MGAT4C: variants seen among roughly 807,000 people sequenced by gnomAD.
The protein encoded by MGAT4C is MGAT4 family member C.
Under a neutral mutation model 40.1 loss-of-function variants are expected in MGAT4C, and 19 were observed. The observed-to-expected ratio is 0.47, with a 90% CI of 0.33 to 0.70. MGAT4C has a LOEUF of 0.70. Among genes scored for constraint, MGAT4C ranks in the 30% least tolerant of loss-of-function variants. The pLI, the probability that MGAT4C is intolerant of heterozygous loss-of-function variation, is 0.02. For synonymous variants in MGAT4C, 181 were observed against 187.1 expected, an observed-to-expected ratio of 0.97 and a Z score of 0.27; for missense variants, 491 against 563.2, an observed-to-expected ratio of 0.87 and a Z score of 1.30.
chr12:86,410,393 T>A (rs1318136329), intron 3 of MGAT4C, among the ~76,000 whole-genome samples: 2 of 152,122 alleles, frequency 1.3e-5, no homozygotes, highest in African/African-American at 4.8e-5. Flanking sequence ...ATTATTAATA[T>A]TCCTTGCTGG....
At chr12:86,738,239 T>C (rs1399231435) in intron 1 of MGAT4C, among the ~76,000 whole-genome samples, 1 of 151,498 alleles carries the variant, frequency 6.6e-6, no homozygotes, top group African/African-American at 2.4e-5. Context: ...GATTCTCTTC[T>C]CACACATATT....
At chr12:86,016,609 A>G (rs961784285) in intron 2 of MGAT4C, among the ~76,000 whole-genome samples, 3 of 152,240 alleles carry the variant, frequency 2.0e-5, no homozygotes, top group African/African-American at 7.2e-5. Context: ...TTAACACAGA[A>G]GTAAAAACCA....
At chr12:86,762,142 C>T (rs1004008474) in intron 1 of MGAT4C, among the ~76,000 whole-genome samples, 4 of 151,854 alleles carry the variant, frequency 2.6e-5, no homozygotes, top group African/African-American at 9.7e-5. Flanking sequence ...GTCTTAACCC[C>T]CTGGACTTAA....
At chr12:86,774,482 TA>T (rs1280749872) in intron 1 of MGAT4C, among the ~76,000 whole-genome samples, 3 of 150,786 alleles carry the variant, frequency 2.0e-5, no homozygotes, top group Non-Finnish European at 4.4e-5. Flanking sequence ...AATCAGTTCA[TA>T]CGGGTATATT....
intron 2 of MGAT4C, among the ~76,000 whole-genome samples, chr12:86,514,611 TATCTTCTG>T: frequency 6.6e-6 from 1 of 152,234 alleles, no homozygotes; most frequent in Non-Finnish European, 1.5e-5. Flanking sequence ...TCTGACTCTC[TATCTTCTG>T]CCTTTCTCTT....
intron 2 of MGAT4C, among the ~76,000 whole-genome samples, chr12:86,688,379 C>T (rs1363070582): frequency 6.6e-6 from 1 of 151,916 alleles, no homozygotes; most frequent in Non-Finnish European, 1.5e-5. Context: ...TTAATTTGAT[C>T]CTGTCATTAT....
At chr12:86,499,606 T>G (rs1437212590) in intron 2 of MGAT4C, among the ~76,000 whole-genome samples, 1 of 151,828 alleles carries the variant, frequency 6.6e-6, no homozygotes, top group Non-Finnish European at 1.5e-5. Flanking sequence ...AAACCAACTA[T>G]TTGTCACCTT....
intron 1 of MGAT4C, among the ~76,000 whole-genome samples, chr12:86,759,454 A>G (rs1951363553): frequency 6.6e-6 from 1 of 151,910 alleles, no homozygotes; most frequent in African/African-American, 2.4e-5. Flanking sequence ...TATCTGAGGA[A>G]CCTCCTTACT....
chr12:86,777,646 T>C (rs868761848), intron 1 of MGAT4C, among the ~76,000 whole-genome samples: 2 of 152,146 alleles, frequency 1.3e-5, no homozygotes, highest in Non-Finnish European at 2.9e-5. Flanking sequence ...AGAGCTGAGA[T>C]AGAGGAACAG....
chr12:86,686,942 T>C (rs1950082608), intron 2 of MGAT4C, among the ~76,000 whole-genome samples: 1 of 152,200 alleles, frequency 6.6e-6, no homozygotes, highest in South Asian at 2.1e-4. Flanking sequence ...TGGTAGAATT[T>C]GGCTGTGAAT....
intron 2 of MGAT4C, among the ~76,000 whole-genome samples, chr12:86,649,484 T>A (rs1963637292): frequency 6.6e-6 from 1 of 151,738 alleles, no homozygotes; most frequent in Non-Finnish European, 1.5e-5. Flanking sequence ...AAAATCTTAA[T>A]AGAATAAGGA....
chr12:86,110,742 T>C (rs1877228562), intron 1 of MGAT4C, among the ~76,000 whole-genome samples: 1 of 151,752 alleles, frequency 6.6e-6, no homozygotes, highest in South Asian at 2.1e-4. Context: ...AGATCAAAGC[T>C]TTGTTTATAG....
At chr12:86,200,123 A>ATTTTTTTT (rs1382781953) in intron 1 of MGAT4C, among the ~76,000 whole-genome samples, 1 of 31,704 alleles carries the variant, frequency 3.2e-5, no homozygotes, top group Non-Finnish European at 5.9e-5. Context: ...AATAGTATGT[A>ATTTTTTTT]TTTGTTTTTT....
At position 86,474,887 on chromosome 12, in the gene MGAT4C, A is replaced by G. The variant is rs139993349; in HGVS notation, c.-228-39622T>C. Among the ~76,000 whole-genome samples the G allele has an allele frequency of 8.4e-4, 128 of 152,204 alleles. 1 individual carries two copies. The East Asian group carries it at 0.022, about 26-fold the overall frequency. ...CAAAGCAAATAAATAGGTTCTTTAA[A>G]TTCCAACCAGTCAATAATTGAAATA... On this transcript the variant is annotated intron_variant, in intron 2 of 7. Coordinates refer to the MGAT4C transcript ENST00000548651.
chr12:86,151,725 C>T (rs956800674), intron 1 of MGAT4C, among the ~76,000 whole-genome samples: 10 of 152,154 alleles, frequency 6.6e-5, no homozygotes, highest in African/African-American at 2.4e-4. Context: ...GTTTTAATTA[C>T]TTTTCTGACT....
chr12:86,746,973 T>C (rs1951163040), intron 1 of MGAT4C, among the ~76,000 whole-genome samples: 1 of 151,648 alleles, frequency 6.6e-6, no homozygotes, highest in South Asian at 2.1e-4. Flanking sequence ...TTGGTTTCCA[T>C]CCTCTGATGT....
At chr12:86,444,643 C>A (rs1592855937) in intron 2 of MGAT4C, among the ~76,000 whole-genome samples, 1 of 152,158 alleles carries the variant, frequency 6.6e-6, no homozygotes, top group East Asian at 1.9e-4. Context: ...GGAATTCTTT[C>A]AGTTAAAATT....
At chr12:86,584,451 T>C (rs184867746) in intron 2 of MGAT4C, among the ~76,000 whole-genome samples, 234 of 151,264 alleles carry the variant, frequency 1.5e-3, no homozygotes, top group African/African-American at 5.5e-3. Flanking sequence ...GAATATATTA[T>C]TCTGTAATTT....
intron 4 of MGAT4C, among the ~76,000 whole-genome samples, chr12:86,329,339 TCAGTGGA>T (rs1332898866): frequency 6.6e-6 from 1 of 152,134 alleles, no homozygotes; most frequent in Non-Finnish European, 1.5e-5. Flanking sequence ...AAGGGCTGGT[TCAGTGGA>T]CATAGTTACA....
Sources: gnomAD v4.1 joint callset for allele counts (sites outside exome capture counted in the v4.1 genomes callset) on GRCh38, gnomAD v4.1.1 for gene constraint, MANE v1.5 for transcripts, NCBI Gene and HGNC (gene_info 2026-07-23, HGNC 2026-07-21) for gene names.